NLRC3: variants seen among roughly 807,000 people sequenced by gnomAD.
The protein encoded by NLRC3 is NLR family CARD domain-containing protein 3.
Under a neutral mutation model 91.6 loss-of-function variants are expected in NLRC3, and 87 were observed. That is an observed-to-expected ratio of 0.95 (90% CI 0.80 to 1.14). NLRC3 has a LOEUF of 1.14. NLRC3 is among the 50% of genes most tolerant of loss of function. The pLI is 0.00. For synonymous variants in NLRC3, 694 were observed against 625.3 expected (o/e 1.11, Z -1.64); for missense variants, 1,577 against 1,418.6 (o/e 1.11, Z -1.79).
intron 13 of NLRC3, 144 bp from the exon 14 acceptor site, chr16:3,548,897 A>G (rs2038843171): frequency 7.4e-6 from 5 of 672,080 alleles, no homozygotes; most frequent in Non-Finnish European, 1.0e-5. Flanking sequence ...GCCCAATGGC[A>G]TGGTAACATC....
rs1758799202 is a variant in NLRC3 at position 3,541,754 on chromosome 16, C to CAGAAGTCG, written c.*63_*70dup. The stretch of plus-strand genomic sequence containing the variant: ...GTTCCCAGCTCCCAGACAGGCCCCC[C>CAGAAGTCG]AGAAGTCGGCCTTTCTGTTCAAAAG... On this transcript the variant is annotated 3_prime_UTR_variant, in exon 20 of 20. Coordinates refer to ENST00000359128, the MANE Select transcript of NLRC3 (RefSeq NM_178844.4). 2 of 1,024,192 alleles carry CAGAAGTCG rather than the reference C, an allele frequency of 2.0e-6. No homozygotes were observed. Among genetic ancestry groups the CAGAAGTCG allele is most frequent in the Non-Finnish European group, 3.0e-6 (2 of 665,660 alleles). The allele number at this position is 1,024,192 out of a possible 1,614,324, so 63.4% of individuals were successfully genotyped here. A position where few individuals can be genotyped will look rare whatever the true frequency, so the allele number is the denominator to read the frequency against.
Position 3,548,581 on chromosome 16 carries a change from C to G in NLRC3, c.2687+89G>C. ...GACCTTTGCAGGGGGTGTCCCCAAA[C>G]CAGGTGTGGCCTGTGCATCGTTGGT... On this transcript the variant is annotated intron_variant, in intron 14 of 19. Transcript: ENST00000359128. 3 of 1,000,550 alleles carry G rather than the reference C, an allele frequency of 3.0e-6. No individual in the cohort carries two copies. The South Asian group carries it at 4.7e-5, about 16-fold the overall frequency. The allele number at this position is 1,000,550 out of a possible 1,614,324, so 62.0% of individuals were successfully genotyped here.
chr16:3,545,873 TTACTC>T (rs1375570984), intron 15 of NLRC3: 6 of 152,280 alleles, frequency 3.9e-5, no homozygotes, highest in African/African-American at 1.4e-4. Flanking sequence ...TGTGTGTACT[TTACTC>T]TGCAGGCCCT....
rs763497559 is a variant in NLRC3 at position 3,549,233 on chromosome 16, A to G, written c.2520-8T>C. 29 of 1,566,398 alleles carry G rather than the reference A, an allele frequency of 1.9e-5. No individual in the cohort carries two copies. The highest frequency in any genetic ancestry group is 3.8e-5 in the Admixed American group (2 of 53,038). On this transcript the variant is annotated splice_polypyrimidine_tract_variant and splice_region_variant and intron_variant, in intron 12 of 19. Coordinates refer to ENST00000359128, the MANE Select transcript of NLRC3 (RefSeq NM_178844.4). ...ATGGAGTTTTCTCGAAGGCTGAAAA[A>G]AAAGGAAAGACCTGAGCTTCTGACC...
Position 3,563,118 on chromosome 16 carries a change from G to A in NLRC3, c.1819C>T (p.Leu607Phe), listed in dbSNP as rs1329916170. The change falls in exon 5 of 20, where the codon CTC becomes TTC. Residue 607 changes from leucine to phenylalanine, a missense_variant. Coordinates refer to ENST00000359128, the MANE Select transcript of NLRC3 (RefSeq NM_178844.4). ...GCACAGGCGTCGGACACCTGCAGGA[G>A]GTAGGCCAGGGCAGCGCGGTGCGCG... is the stretch of plus-strand genomic sequence containing the variant. ...GPAHRAALAY[L>F]LQVSDACAQE... 1 of 1,580,438 alleles carries A rather than the reference G, an allele frequency of 6.3e-7. No homozygotes were observed. Among genetic ancestry groups the A allele is most frequent in the Non-Finnish European group, 8.6e-7 (1 of 1,164,062 alleles).
In NLRC3 at chr16:3,549,691, A is replaced by G. The variant is rs1280469184; in HGVS notation, c.2519+6T>C. The stretch of plus-strand genomic sequence containing the variant: ...GCCCTGTTTGGAGAGGGTGGCCAGG[A>G]CTTACCTGAGGCTGAGGAGGGTCTG... On this transcript the variant is annotated splice_donor_region_variant and intron_variant, in intron 12 of 19. Transcript: ENST00000359128. The G allele has an allele frequency of 6.5e-7, 1 of 1,548,752 alleles. No homozygotes were observed.
Position 3,564,873 on chromosome 16 carries a change from C to A in NLRC3, c.164G>T (p.Gly55Val). Residue 55 changes from glycine (G) to valine (V), a missense_variant, in exon 4 of 20, where the codon GGG (glycine) becomes GTG (valine). By Grantham distance (109) the Gly-to-Val change is moderately radical. Transcript: ENST00000359128. This position sits in a 1 kb window ranked among gnomAD's most constrained non-coding sequence, Gnocchi z 5.9. ...GCCGGTCCTACCATTGCTGCAGGGC[C>A]CCAGCGGGGCATCCGGTGTCCTATC... Reference protein sequence around the residue: ...ALDRTPDAPLGPCSNDSRIQR... With the variant: ...ALDRTPDAPLVPCSNDSRIQR... 1 of 1,606,962 alleles carries A rather than the reference C, an allele frequency of 6.2e-7. No individual in the cohort carries two copies. Among genetic ancestry groups the A allele is most frequent in the Non-Finnish European group, 8.5e-7 (1 of 1,178,146 alleles).
In NLRC3 at chr16:3,556,900, G is replaced by A. The variant is rs2039364564; in HGVS notation, c.2183+11C>T. On this transcript the variant is annotated intron_variant, in intron 8 of 19. Coordinates refer to ENST00000359128, the MANE Select transcript of NLRC3 (RefSeq NM_178844.4). ...CTTGGGGTCACAACACAGGGAGCAG[G>A]TGACACACACCTCAGGGAGGTCAGG... The A allele has an allele frequency of 6.2e-7, 1 of 1,601,798 alleles. No individual in the cohort carries two copies.
chr16:3,557,101 T>A, intron 7 of NLRC3, 107 bp from the exon 8 acceptor site: 1 of 758,384 alleles, frequency 1.3e-6, no homozygotes, highest in Non-Finnish European at 2.3e-6. Context: ...AGGGAATGTG[T>A]AAGGGCTTAG....
Position 3,552,193 on chromosome 16 carries a change from C to T in NLRC3, c.2351+3G>A. On this transcript the variant is annotated splice_donor_region_variant and intron_variant, in intron 10 of 19. Coordinates refer to ENST00000359128, the MANE Select transcript of NLRC3 (RefSeq NM_178844.4). ...ACTAGTGTGGGCCTTTCATATGTCT[C>T]ACATGAGCTCTTTCAGACTCCTGTT... The T allele has an allele frequency of 6.3e-7, 1 of 1,584,794 alleles. No individual in the cohort carries two copies. Among genetic ancestry groups the T allele is most frequent in the Non-Finnish European group, 8.7e-7 (1 of 1,153,152 alleles).
At chr16:3,550,259 G>C (rs971674760) in intron 11 of NLRC3, among the ~76,000 whole-genome samples, 155 bp downstream of exon 11, 2 of 152,230 alleles carry the variant, frequency 1.3e-5, no homozygotes, top group Non-Finnish European at 2.9e-5. Flanking sequence ...GGGAAATGGA[G>C]CTGGTGGGGC....
chr16:3,554,941 G>A (rs1309185391), intron 8 of NLRC3, among the ~76,000 whole-genome samples: 1 of 152,138 alleles, frequency 6.6e-6, no homozygotes, highest in African/African-American at 2.4e-5. Context: ...TTAAAACAGA[G>A]GGAAGAGGCT....
At position 3,563,273 on chromosome 16, in the gene NLRC3, CG is replaced by C; in HGVS notation, c.1663del (p.Arg555AlafsTer41). ...QVAELLQGCL[R>X]PDAAVCARAI... ...CCGTGCACAGACTGCGGCATCGGGG[CG>C]CAGGCAGCCCTGCAGGAGCTCAGCC... On this transcript the variant is annotated frameshift_variant, in exon 5 of 20. Coordinates refer to ENST00000359128, the MANE Select transcript of NLRC3 (RefSeq NM_178844.4). LOFTEE classifies it high-confidence loss of function. 6.2e-7 allele frequency: 1 copy of C among 1,605,102 alleles called. No individual in the cohort carries two copies. The highest frequency in any genetic ancestry group is 8.5e-7 in the Non-Finnish European group (1 of 1,177,236).
At chr16:3,566,508 C>T (rs2039889992) in intron 2 of NLRC3, among the ~76,000 whole-genome samples, 1 of 152,018 alleles carries the variant, frequency 6.6e-6, no homozygotes, top group Non-Finnish European at 1.5e-5. Flanking sequence ...GGCAGATCAC[C>T]TGAGGTCAGG....
At chr16:3,577,026 G>A in intron 1 of NLRC3, 123 bp downstream of exon 1, 1 of 682,774 alleles carries the variant, frequency 1.5e-6, no homozygotes, top group Non-Finnish European at 2.7e-6. Flanking sequence ...GCTTCTTGGA[G>A]TCTCGTGGAG....
intron 2 of NLRC3, among the ~76,000 whole-genome samples, chr16:3,566,406 T>G (rs1330246368): frequency 6.6e-6 from 1 of 151,900 alleles, no homozygotes; most frequent in Non-Finnish European, 1.5e-5. Flanking sequence ...GCCTGGCCGA[T>G]ATGGTGAGAC....
Position 3,564,093 on chromosome 16 carries a change from G to T in NLRC3, c.844C>A (p.Arg282=), listed in dbSNP as rs199931603. 11 of 1,613,526 alleles carry T rather than the reference G, an allele frequency of 6.8e-6. No individual in the cohort carries two copies. The South Asian group carries it at 1.2e-4, about 18-fold the overall frequency. ...TTAAAGCCCCGGATCTCCGTCATCC[G>T]GTCCACCAGGCCCCCTGGGATCTGG... is the stretch of plus-strand genomic sequence containing the variant. ...SGQIPGGLVD[R]MTEIRGFNEE... is the part of the protein sequence containing the mutation. Residue 282 remains arginine, a synonymous_variant, in exon 5 of 20, where the codon CGG becomes AGG. Coordinates refer to ENST00000359128, the MANE Select transcript of NLRC3 (RefSeq NM_178844.4). The surrounding 1 kb of genome is among the most constrained non-coding windows in gnomAD (Gnocchi z 5.9).
At chr16:3,545,871 C>G (rs1567461667) in intron 15 of NLRC3, 1 of 152,314 alleles carries the variant, frequency 6.6e-6, no homozygotes, top group African/African-American at 2.4e-5. Flanking sequence ...GCTGTGTGTA[C>G]TTTACTCTGC....
At chr16:3,573,263 A>G (rs1295987717) in intron 1 of NLRC3, among the ~76,000 whole-genome samples, 1 of 149,762 alleles carries the variant, frequency 6.7e-6, no homozygotes, top group African/African-American at 2.5e-5. Flanking sequence ...TATAAAAAGT[A>G]CAAAAAAAAA....
Sources: allele counts gnomAD v4.1 joint callset (sites outside exome capture counted in the v4.1 genomes callset), GRCh38; gene constraint gnomAD v4.1.1; non-coding constraint Gnocchi (gnomAD v3.1); transcripts MANE v1.5; gene names NCBI Gene and HGNC (gene_info 2026-07-23, HGNC 2026-07-21).